The following ADAMTS20 variants were observed in gnomAD, a reference collection of about 807,000 sequenced individuals.
ADAMTS20 encodes the protein A disintegrin and metalloproteinase with thrombospondin motifs 20.
A neutral mutation model predicts 260.1 loss-of-function variants in ADAMTS20; 225 were observed. The observed-to-expected ratio is 0.87, with a 90% CI of 0.78 to 0.97. The LOEUF is 0.97. Ranked by LOEUF, ADAMTS20 falls within the 50% of genes least tolerant of loss-of-function variation. ADAMTS20 has a pLI of 0.00. For missense variants in ADAMTS20, 2,400 were observed against 2,337.7 expected, an observed-to-expected ratio of 1.03 and a Z score of -0.55; for synonymous variants, 802 against 769.5, an observed-to-expected ratio of 1.04 and a Z score of -0.70.
intron 2 of ADAMTS20, among the ~76,000 whole-genome samples, chr12:43,540,990 A>AT (rs923317239): frequency 1.3e-5 from 2 of 152,118 alleles, no homozygotes; most frequent in Non-Finnish European, 2.9e-5. Context: ...TCATCCATAT[A>AT]TTTTTTTCAA....
chr12:43,413,329 A>T (rs1178366025), intron 28 of ADAMTS20, among the ~76,000 whole-genome samples: 1 of 152,200 alleles, frequency 6.6e-6, no homozygotes, highest in Non-Finnish European at 1.5e-5. Context: ...GGGTTTGTGT[A>T]TGATGGGCAA....
intron 11 of ADAMTS20, among the ~76,000 whole-genome samples, chr12:43,460,988 A>ATATATATATATATATATATTTTTT: frequency 3.8e-5 from 1 of 26,394 alleles, no homozygotes; most frequent in African/African-American, 1.3e-4. Flanking sequence ...ATATATATAT[A>ATATATATATATATATATATTTTTT]TTTTTTTTTT....
chr12:43,377,182 G>C (rs1043663788), intron 32 of ADAMTS20, among the ~76,000 whole-genome samples, 183 bp downstream of exon 32: 1 of 152,138 alleles, frequency 6.6e-6, no homozygotes, highest in East Asian at 1.9e-4. Flanking sequence ...TGCTTTAAGC[G>C]AGTTATAGCA....
intron 7 of ADAMTS20, among the ~76,000 whole-genome samples, chr12:43,487,398 T>C (rs1372433874): frequency 8.7e-6 from 1 of 115,058 alleles, no homozygotes; most frequent in Non-Finnish European, 1.6e-5. Flanking sequence ...AGTGGCACAA[T>C]GGACACTGGA....
At chr12:43,409,597 G>A (rs1186740586) in intron 28 of ADAMTS20, among the ~76,000 whole-genome samples, 1 of 34,772 alleles carries the variant, frequency 2.9e-5, no homozygotes, top group Non-Finnish European at 4.1e-5. Flanking sequence ...GCGAGACTCC[G>A]TCTCAAAAAA....
At chr12:43,446,042 C>T (rs752736848) in intron 15 of ADAMTS20, among the ~76,000 whole-genome samples, 3 of 152,050 alleles carry the variant, frequency 2.0e-5, no homozygotes, top group Non-Finnish European at 2.9e-5. Flanking sequence ...GATCCAGATA[C>T]TGCCTGGAAA....
At chr12:43,532,508 G>A (rs1047858406) in intron 2 of ADAMTS20, among the ~76,000 whole-genome samples, 11 of 150,416 alleles carry the variant, frequency 7.3e-5, no homozygotes, top group Non-Finnish European at 1.5e-4. Flanking sequence ...AAATAATAAA[G>A]CCTGTGCTTT....
chr12:43,552,038 G>T lies in ADAMTS20; in HGVS notation c.-117C>A. ...CTCGCCCGCCGCTCTCCGCGCCTCA[G>T]CAGCCTAGGGAACAGCAGCGCGGGC... On this transcript the variant is annotated 5_prime_UTR_variant, in exon 1 of 39. The change creates a new upstream start codon in the 5' untranslated region. Transcript: ENST00000389420. 1.2e-6 allele frequency: 1 copy of T among 854,640 alleles called. No homozygotes were observed. Among genetic ancestry groups the T allele is most frequent in the Non-Finnish European group, 1.9e-6 (1 of 527,106 alleles). The allele number at this position is 854,640 out of a possible 1,614,324, so 52.9% of individuals were successfully genotyped here.
At chr12:43,474,102 A>T (rs1942310312) in intron 7 of ADAMTS20, among the ~76,000 whole-genome samples, 3 of 151,920 alleles carry the variant, frequency 2.0e-5, no homozygotes, top group Non-Finnish European at 2.9e-5. Context: ...CAAGACTAAT[A>T]AAGAAAAAAA....
At chr12:43,369,711 C>T (rs927407755) in intron 36 of ADAMTS20, among the ~76,000 whole-genome samples, 8 of 151,772 alleles carry the variant, frequency 5.3e-5, no homozygotes, top group East Asian at 3.9e-4. Flanking sequence ...GGGTCAGGAG[C>T]AAAATCACTG....
At chr12:43,394,340 C>G (rs778935016) in intron 29 of ADAMTS20, among the ~76,000 whole-genome samples, 2 of 152,032 alleles carry the variant, frequency 1.3e-5, no homozygotes, top group African/African-American at 2.4e-5. Context: ...CAAGATTTTA[C>G]TTATAATCTG....
intron 7 of ADAMTS20, among the ~76,000 whole-genome samples, chr12:43,478,183 C>G (rs1421813351): frequency 1.3e-5 from 2 of 151,688 alleles, no homozygotes; most frequent in South Asian, 4.2e-4. Flanking sequence ...TAAATGTAAA[C>G]AAAACGAACA....
At chr12:43,393,708 G>C (rs913123080) in intron 29 of ADAMTS20, among the ~76,000 whole-genome samples, 7 of 151,870 alleles carry the variant, frequency 4.6e-5, no homozygotes, top group Non-Finnish European at 1.0e-4. Context: ...TTGCAACTAT[G>C]GTTTATTTCA....
rs1188741589 is a variant in ADAMTS20, at chr12:43,428,666, C to T, written c.3623G>A (p.Cys1208Tyr). Residue 1208 changes from cysteine to tyrosine, a missense_variant, in exon 25 of 39, where the codon TGT (cysteine) becomes TAT (tyrosine). Coordinates refer to ENST00000389420, the MANE Select transcript of ADAMTS20 (RefSeq NM_025003.5). ...PAEIWDCFTP[C>Y]GEWQAGDWSP... is the part of the protein sequence containing the mutation. Reference sequence around the variant, plus strand: ...CCAATCCCCTGCTTGCCACTCTCCACAAGGGGTAAAACAGTCCCATATTTC... The same window carrying T: ...CCAATCCCCTGCTTGCCACTCTCCATAAGGGGTAAAACAGTCCCATATTTC... 1 of 1,603,902 alleles carries T rather than the reference C, an allele frequency of 6.2e-7. No individual in the cohort carries two copies. The highest frequency in any genetic ancestry group is 1.3e-5 in the African/African-American group (1 of 74,752).
Position 43,369,311 on chromosome 12 carries a change from G to A in ADAMTS20, c.5517C>T (p.Tyr1839=). ...ATACCTGTGGGCATCTGAAAGCACT[G>A]TAGCAATCTCCAGCTGTGGCAAATG... ...AVPFATAGDC[Y]SAFRCPQGQF... is the part of the protein sequence containing the mutation. The change falls in exon 37 of 39, where the codon TAC becomes TAT. Residue 1839 remains tyrosine, a synonymous_variant. Transcript: ENST00000389420. The A allele has an allele frequency of 6.4e-7, 1 of 1,550,786 alleles. No individual in the cohort carries two copies. The highest frequency in any genetic ancestry group is 8.7e-7 in the Non-Finnish European group (1 of 1,149,760).
intron 29 of ADAMTS20, among the ~76,000 whole-genome samples, chr12:43,392,622 T>C (rs1238356031): frequency 6.6e-6 from 1 of 152,124 alleles, no homozygotes; most frequent in African/African-American, 2.4e-5. Flanking sequence ...ATTGCTTAAA[T>C]TGAATATTCC....
At chr12:43,378,007 T>G (rs1940267928) in intron 31 of ADAMTS20, among the ~76,000 whole-genome samples, 1 of 152,144 alleles carries the variant, frequency 6.6e-6, no homozygotes, top group Non-Finnish European at 1.5e-5. Flanking sequence ...TAATAACACT[T>G]GACTAAAATA....
At chr12:43,464,766 T>A in intron 9 of ADAMTS20, 34 bp from the exon 10 acceptor site, 1 of 1,588,788 alleles carries the variant, frequency 6.3e-7, no homozygotes, top group Non-Finnish European at 8.6e-7. Context: ...ATATTGTGAA[T>A]ACACATGGAT....
At chr12:43,491,805 T>C (rs1942604519) in intron 6 of ADAMTS20, among the ~76,000 whole-genome samples, 1 of 152,028 alleles carries the variant, frequency 6.6e-6, no homozygotes, top group African/African-American at 2.4e-5. Context: ...AAGAACAAAG[T>C]TGCTCTTCTT....
Sources: gnomAD v4.1 joint callset for allele counts (sites outside exome capture counted in the v4.1 genomes callset) on GRCh38, gnomAD v4.1.1 for gene constraint, MANE v1.5 for transcripts, NCBI Gene and HGNC (gene_info 2026-07-23, HGNC 2026-07-21) for gene names.